Variants in CACNB4 observed in about 807,000 individuals in gnomAD.
CACNB4 encodes voltage-dependent L-type calcium channel subunit beta-4.
CACNB4 carries 32 observed loss-of-function variants against 71.2 expected under a neutral mutation model. The observed-to-expected ratio is 0.45, with a 90% CI of 0.34 to 0.60. The LOEUF (loss-of-function observed/expected upper bound fraction) is 0.60. CACNB4 is among the 20% of genes least tolerant of loss of function. CACNB4 has a pLI of 0.01. For missense variants in CACNB4, 464 were observed against 647.9 expected (o/e 0.72, Z 3.08); for synonymous variants, 231 against 236.9 (o/e 0.97, Z 0.23).
chr2:151,969,601 A>G (rs529225697), intron 2 of CACNB4: 2 of 152,342 alleles, frequency 1.3e-5, no homozygotes, highest in South Asian at 4.1e-4. Flanking sequence ...CGATGCATGG[A>G]ACATATCTGT....
chr2:152,019,852 C>T (rs1374847967), intron 2 of CACNB4, among the ~76,000 whole-genome samples: 1 of 152,168 alleles, frequency 6.6e-6, no homozygotes, highest in Non-Finnish European at 1.5e-5. Context: ...AAACAACTCA[C>T]ACAACTGAGA....
chr2:151,969,643 C>G (rs1463548919), intron 2 of CACNB4: 1 of 152,200 alleles, frequency 6.6e-6, no homozygotes, highest in African/African-American at 2.4e-5. Flanking sequence ...CCAGGGTGAA[C>G]AGTACGCATG....
At chr2:151,973,638 G>A (rs1314714857) in intron 2 of CACNB4, 1 of 1,601,416 alleles carries the variant, frequency 6.2e-7, no homozygotes, top group South Asian at 1.1e-5. Context: ...GAGGAGGGGA[G>A]AGGGAATTAG....
rs144556215 is a variant in CACNB4, at chr2:151,845,801, G to A, written c.1117-3713C>T. 7.2e-3 allele frequency among the ~76,000 whole-genome samples: 1,104 copies of A among 152,338 alleles called. 13 individuals carry two copies. The highest frequency in any genetic ancestry group is 0.025 in the African/African-American group (1,026 of 41,578). ...TGATGGGATATTCTCTTCAGCTGAG[G>A]TAGACAGAATGGTGTGGCTGCCAAA... On this transcript the variant is annotated intron_variant, in intron 12 of 13. Coordinates refer to ENST00000539935, the MANE Select transcript of CACNB4 (RefSeq NM_000726.5).
intron 2 of CACNB4, among the ~76,000 whole-genome samples, chr2:152,083,358 A>AAGGAAGGG (rs1312492752): frequency 7.0e-5 from 2 of 28,630 alleles, no homozygotes; most frequent in African/African-American, 5.9e-4. Flanking sequence ...GGAAGGGAGG[A>AAGGAAGGG]AGGAAGGAAG....
chr2:151,870,653 G>T, intron 7 of CACNB4, 42 bp from the exon 8 acceptor site: 1 of 1,487,658 alleles, frequency 6.7e-7, no homozygotes, highest in Non-Finnish European at 9.3e-7. Context: ...GTGAGGTTGA[G>T]CATGCCTCTC....
At chr2:152,097,620 T>C (rs1688344705) in intron 2 of CACNB4, among the ~76,000 whole-genome samples, 1 of 152,112 alleles carries the variant, frequency 6.6e-6, no homozygotes, top group Non-Finnish European at 1.5e-5. Context: ...GCATTGAGCA[T>C]TACCAGCGAT....
intron 2 of CACNB4, among the ~76,000 whole-genome samples, chr2:152,018,840 G>C (rs62175071): frequency 8.0e-5 from 6 of 75,356 alleles, no homozygotes; most frequent in South Asian, 8.8e-4. Context: ...CACACACACA[G>C]ACAAAGGTAT....
intron 2 of CACNB4, among the ~76,000 whole-genome samples, chr2:151,912,094 TTTG>T (rs941586633): frequency 2.6e-5 from 4 of 152,188 alleles, no homozygotes; most frequent in African/African-American, 4.8e-5. Flanking sequence ...TAGCAATCTA[TTTG>T]TTAATTTTTT....
At chr2:151,937,583 C>G (rs1287586139) in intron 2 of CACNB4, among the ~76,000 whole-genome samples, 1 of 152,156 alleles carries the variant, frequency 6.6e-6, no homozygotes, top group Non-Finnish European at 1.5e-5. Flanking sequence ...AAAAAGCTGG[C>G]AAGGTTTCTA....
At chr2:151,987,266 C>T (rs913840190) in intron 2 of CACNB4, among the ~76,000 whole-genome samples, 1 of 152,150 alleles carries the variant, frequency 6.6e-6, no homozygotes, top group East Asian at 1.9e-4. Flanking sequence ...ACCTGAACTT[C>T]AAAACGTAAG....
At position 151,942,657 on chromosome 2, in the gene CACNB4, G is replaced by A. The variant is rs1291511783; in HGVS notation, c.148-59287C>T. On this transcript the variant is annotated intron_variant, in intron 2 of 13. Transcript: ENST00000539935. ...ATTGCTAAATTCTTTTCCTAGCAAG[G>A]AATATTAATATTAATACCATGGGAA... Among the ~76,000 whole-genome samples, 3 of 136,154 alleles carry A rather than the reference G, an allele frequency of 2.2e-5. 1 individual carries two copies. The highest frequency in any genetic ancestry group is 7.6e-5 in the African/African-American group (2 of 26,400). The allele number at this position is 136,154 out of a possible 152,430, so 89.3% of individuals were successfully genotyped here. A position where few individuals can be genotyped will look rare whatever the true frequency, so the allele number is the denominator to read the frequency against.
At chr2:151,841,023 C>G (rs1171717845) in intron 13 of CACNB4, among the ~76,000 whole-genome samples, 1 of 152,178 alleles carries the variant, frequency 6.6e-6, no homozygotes, top group African/African-American at 2.4e-5. Flanking sequence ...ATCCTGTGTT[C>G]GTCACCAGCT....
intron 2 of CACNB4, among the ~76,000 whole-genome samples, chr2:151,900,639 A>T (rs1210960295): frequency 1.3e-5 from 2 of 152,184 alleles, no homozygotes; most frequent in African/African-American, 4.8e-5. Flanking sequence ...TTGTGAGTAG[A>T]TGGCTGATGC....
At chr2:151,957,318 A>T (rs1338496479) in intron 2 of CACNB4, among the ~76,000 whole-genome samples, 2 of 117,200 alleles carry the variant, frequency 1.7e-5, no homozygotes, top group Non-Finnish European at 3.9e-5. Context: ...GGAATCCCTG[A>T]TAAAATATAT....
intron 4 of CACNB4, among the ~76,000 whole-genome samples, chr2:151,878,337 C>T (rs1385823725): frequency 6.6e-6 from 1 of 151,938 alleles, no homozygotes; most frequent in East Asian, 1.9e-4. Context: ...GAAATATGTT[C>T]TGGTAAGAAT....
At chr2:151,870,679 CA>C in intron 7 of CACNB4, 68 bp from the exon 8 acceptor site, 3 of 1,323,756 alleles carry the variant, frequency 2.3e-6, no homozygotes, top group Non-Finnish European at 3.2e-6. Context: ...CCACAACATT[CA>C]TAATTTCATA....
At chr2:152,049,479 C>T (rs1477940394) in intron 2 of CACNB4, among the ~76,000 whole-genome samples, 2 of 152,172 alleles carry the variant, frequency 1.3e-5, no homozygotes, top group African/African-American at 4.8e-5. Context: ...CGTTTCACAA[C>T]CGTATTTCTC....
At chr2:151,939,823 T>C (rs778465497) in intron 2 of CACNB4, among the ~76,000 whole-genome samples, 1 of 152,124 alleles carries the variant, frequency 6.6e-6, no homozygotes, top group South Asian at 2.1e-4. Flanking sequence ...ATGAAAGTTC[T>C]TGGGAAAGCA....
Sources: gnomAD v4.1 joint callset for allele counts (sites outside exome capture counted in the v4.1 genomes callset) on GRCh38, gnomAD v4.1.1 for gene constraint, MANE v1.5 for transcripts, NCBI Gene and HGNC (gene_info 2026-07-23, HGNC 2026-07-21) for gene names.